Variants in PRMT8 observed in about 807,000 individuals in gnomAD.
PRMT8 encodes the protein protein arginine methyltransferase 8.
Under a neutral mutation model 47.1 loss-of-function variants are expected in PRMT8, and 7 were observed. The observed-to-expected ratio is 0.15, with a 90% CI of 0.08 to 0.28. The LOEUF is 0.28. PRMT8 is among the 10% of genes least tolerant of loss of function. PRMT8 has a pLI of 1.00. For synonymous variants in PRMT8, 188 were observed against 186.5 expected (o/e 1.01, Z -0.07); for missense variants, 237 against 505.4 (o/e 0.47, Z 5.09).
chr12:3,432,778 T>TTTTTG (rs1482997789), intron 1 of PRMT8, among the ~76,000 whole-genome samples: 4 of 152,210 alleles, frequency 2.6e-5, no homozygotes, highest in South Asian at 2.1e-4. Context: ...GTTTTGTTGG[T>TTTTTG]TTTTGTTTTG....
intron 4 of PRMT8, among the ~76,000 whole-genome samples, chr12:3,565,084 G>A (rs1194262951): frequency 6.6e-6 from 1 of 152,192 alleles, no homozygotes; most frequent in Non-Finnish European, 1.5e-5. Flanking sequence ...AAAGGACCCA[G>A]GAAGTGTTGA....
intron 1 of PRMT8, among the ~76,000 whole-genome samples, chr12:3,536,021 G>A (rs1866111630): frequency 6.6e-6 from 1 of 152,172 alleles, no homozygotes; most frequent in South Asian, 2.1e-4. Context: ...AGTTGTGGCT[G>A]AACAATCATG....
At chr12:3,392,021 G>T (rs1205246974) in intron 1 of PRMT8, among the ~76,000 whole-genome samples, 3 of 152,220 alleles carry the variant, frequency 2.0e-5, no homozygotes, top group Non-Finnish European at 4.4e-5. Flanking sequence ...GGAGCAAAGG[G>T]TTGGAGGCAT....
chr12:3,571,835 A>G (rs1866852801), intron 6 of PRMT8, among the ~76,000 whole-genome samples: 1 of 152,216 alleles, frequency 6.6e-6, no homozygotes, highest in Non-Finnish European at 1.5e-5. Context: ...AAATAAATGG[A>G]GACTTTGGTT....
chr12:3,568,954 G>T lies in PRMT8; in HGVS notation c.624+106G>T, dbSNP rs78743728. On this transcript the variant is annotated intron_variant, in intron 5 of 9. Coordinates refer to ENST00000382622, the MANE Select transcript of PRMT8 (RefSeq NM_019854.5). The stretch of plus-strand genomic sequence containing the variant: ...TACGAAGACTTCAGAGAAGACTGAG[G>T]CCAGGAGGTCACTGCCCCAAGCCCC... 3,407 of 1,464,274 alleles carry T rather than the reference G, an allele frequency of 2.3e-3. 66 individuals carry two copies. In the African/African-American group the frequency reaches 0.039, roughly 17 times the overall value. The allele number at this position is 1,464,274 out of a possible 1,614,324, so 90.7% of individuals were successfully genotyped here.
chr12:3,462,020 T>C (rs1865047751), intron 1 of PRMT8, among the ~76,000 whole-genome samples: 2 of 151,538 alleles, frequency 1.3e-5, no homozygotes, highest in Non-Finnish European at 2.9e-5. Context: ...CCCAATAGAG[T>C]TTTTTCCTCC....
intron 1 of PRMT8, among the ~76,000 whole-genome samples, chr12:3,410,658 G>T (rs985498998): frequency 7.2e-5 from 11 of 152,126 alleles, no homozygotes; most frequent in Non-Finnish European, 1.0e-4. Context: ...ACAGGCACGC[G>T]CCACCATGCC....
intron 1 of PRMT8, among the ~76,000 whole-genome samples, chr12:3,406,193 C>T (rs545248247): frequency 2.0e-5 from 3 of 152,338 alleles, no homozygotes; most frequent in Admixed American, 1.3e-4. Context: ...CCCTTTTAGC[C>T]AAGGATGGAG....
chr12:3,391,169 C>G (rs574584860), intron 1 of PRMT8, among the ~76,000 whole-genome samples: 1 of 152,094 alleles, frequency 6.6e-6, no homozygotes, highest in Non-Finnish European at 1.5e-5. Flanking sequence ...CTATTATGTG[C>G]CCGGTGCTGT....
At chr12:3,398,016 C>T (rs1864276813) in intron 1 of PRMT8, among the ~76,000 whole-genome samples, 1 of 152,168 alleles carries the variant, frequency 6.6e-6, no homozygotes, top group African/African-American at 2.4e-5. Flanking sequence ...AAGGGAACTC[C>T]CTGACCCCTT....
intron 1 of PRMT8, among the ~76,000 whole-genome samples, chr12:3,417,632 A>G (rs2137059198): frequency 6.6e-6 from 1 of 152,132 alleles, no homozygotes; most frequent in Admixed American, 6.6e-5. Context: ...TGGTAATTTG[A>G]CCCCAGCTTA....
chr12:3,589,106 CA>C (rs1867243229), intron 8 of PRMT8, among the ~76,000 whole-genome samples: 1 of 152,200 alleles, frequency 6.6e-6, no homozygotes, highest in Admixed American at 6.5e-5. Context: ...TTGCCTGATG[CA>C]ATGGCTTAGT....
intron 7 of PRMT8, among the ~76,000 whole-genome samples, chr12:3,581,779 C>T (rs962594278): frequency 1.3e-5 from 2 of 152,180 alleles, no homozygotes; most frequent in African/African-American, 2.4e-5. Flanking sequence ...GGCTACACAC[C>T]CCAGATCCTA....
intron 1 of PRMT8, among the ~76,000 whole-genome samples, chr12:3,387,691 T>C (rs1864155218): frequency 6.6e-6 from 1 of 152,250 alleles, no homozygotes; most frequent in African/African-American, 2.4e-5. Context: ...ATCTTTATTT[T>C]GAAAACATTA....
At chr12:3,416,842 T>A (rs1440573434) in intron 1 of PRMT8, among the ~76,000 whole-genome samples, 5 of 152,192 alleles carry the variant, frequency 3.3e-5, no homozygotes, top group African/African-American at 1.2e-4. Context: ...TGGATGGAGA[T>A]TGCGCTGCTG....
chr12:3,514,261 A>C lies in PRMT8; in HGVS notation c.75+22561A>C, dbSNP rs1865754816. On this transcript the variant is annotated intron_variant, in intron 1 of 9. Coordinates refer to ENST00000382622, the MANE Select transcript of PRMT8 (RefSeq NM_019854.5). This position sits in a 1 kb window ranked among gnomAD's most constrained non-coding sequence, Gnocchi z 5.9. ...TAAGGTGCTCTTTTGTTCACCACAG[A>C]ATACTGAGCACTTCTGGTTCCTCTG... Among the ~76,000 whole-genome samples, 2 of 151,532 alleles carry C rather than the reference A, an allele frequency of 1.3e-5. No individual in the cohort carries two copies. The highest frequency in any genetic ancestry group is 4.9e-5 in the African/African-American group (2 of 41,122).
intron 2 of PRMT8, among the ~76,000 whole-genome samples, chr12:3,548,991 C>G (rs1271203622): frequency 1.3e-5 from 2 of 152,108 alleles, no homozygotes; most frequent in Admixed American, 6.5e-5. Context: ...AAGAACAAAC[C>G]TCGGATCTGT....
chr12:3,590,710 T>A (rs960394783), intron 8 of PRMT8, among the ~76,000 whole-genome samples: 2 of 151,342 alleles, frequency 1.3e-5, no homozygotes, highest in South Asian at 4.2e-4. Flanking sequence ...ATAAGATGGG[T>A]TCTTCTGCAG....
At chr12:3,586,651 G>A (rs1391782259) in intron 8 of PRMT8, among the ~76,000 whole-genome samples, 4 of 152,158 alleles carry the variant, frequency 2.6e-5, no homozygotes, top group Non-Finnish European at 4.4e-5. Flanking sequence ...AACTCTGGGG[G>A]TGGGGGCCAG....
Sources: gnomAD v4.1 joint callset for allele counts (sites outside exome capture counted in the v4.1 genomes callset) on GRCh38, gnomAD v4.1.1 for gene constraint, Gnocchi (gnomAD v3.1) non-coding constraint, MANE v1.5 for transcripts, NCBI Gene and HGNC (gene_info 2026-07-23, HGNC 2026-07-21) for gene names.